CDH18: variants seen among roughly 807,000 people sequenced by gnomAD.
CDH18 encodes the protein cadherin 18.
Under a neutral mutation model 67.9 loss-of-function variants are expected in CDH18, and 31 were observed. The observed-to-expected ratio is 0.46, with a 90% CI of 0.34 to 0.62. CDH18 has a LOEUF of 0.62. Among genes scored for constraint, CDH18 ranks in the 20% least tolerant of loss-of-function variants. CDH18 has a pLI of 0.01. For missense variants in CDH18, 890 were observed against 975.5 expected (o/e 0.91, Z 1.17); for synonymous variants, 362 against 347.2 (o/e 1.04, Z -0.48).
At chr5:19,910,014 A>T (rs16888138) in intron 2 of CDH18, among the ~76,000 whole-genome samples, 2,594 of 152,236 alleles carry the variant, frequency 0.017, 67 homozygotes, top group African/African-American at 0.058. Context: ...GCCGTAATAA[A>T]CATCCTTTAT....
At chr5:20,091,838 C>T (rs1249944245) in intron 2 of CDH18, among the ~76,000 whole-genome samples, 2 of 151,776 alleles carry the variant, frequency 1.3e-5, no homozygotes, top group African/African-American at 2.4e-5. Context: ...TCAACTACCA[C>T]AAAACTTTGG....
At chr5:20,217,252 A>C (rs547101351) in intron 2 of CDH18, among the ~76,000 whole-genome samples, 1 of 152,060 alleles carries the variant, frequency 6.6e-6, no homozygotes, top group African/African-American at 2.4e-5. Context: ...ATAACACTGT[A>C]ATTGTGGTGT....
chr5:19,475,709 T>C (rs1335265141), intron 12 of CDH18, among the ~76,000 whole-genome samples: 1 of 152,078 alleles, frequency 6.6e-6, no homozygotes, highest in Non-Finnish European at 1.5e-5. Context: ...CATACATACC[T>C]ATATACAGAT....
chr5:19,537,369 C>A (rs1749583943), intron 9 of CDH18, among the ~76,000 whole-genome samples: 1 of 151,698 alleles, frequency 6.6e-6, no homozygotes. Context: ...CCTGTTCCCC[C>A]TCTCTCTTTC....
intron 2 of CDH18, among the ~76,000 whole-genome samples, chr5:20,078,209 C>T (rs10063226): frequency 1.3e-5 from 2 of 151,986 alleles, no homozygotes; most frequent in South Asian, 4.1e-4. Flanking sequence ...CGCCTGTAAT[C>T]CCAGCACTTT....
chr5:20,419,467 T>TTTTTTG (rs1747658715), intron 1 of CDH18, among the ~76,000 whole-genome samples: 1 of 47,174 alleles, frequency 2.1e-5, no homozygotes, highest in African/African-American at 2.6e-4. Context: ...ACTCTGTTTT[T>TTTTTTG]TTTTTTTTTT....
At chr5:19,833,422 T>A (rs1781276024) in intron 3 of CDH18, among the ~76,000 whole-genome samples, 1 of 152,124 alleles carries the variant, frequency 6.6e-6, no homozygotes, top group Non-Finnish European at 1.5e-5. Flanking sequence ...AATTTTGGGC[T>A]TAGATGATGG....
chr5:19,480,841 C>A (rs1304528665), intron 12 of CDH18, among the ~76,000 whole-genome samples: 1 of 152,096 alleles, frequency 6.6e-6, no homozygotes, highest in African/African-American at 2.4e-5. Flanking sequence ...GCCTCCAACT[C>A]CCAGGCTCAA....
chr5:19,512,288 G>A (rs1031376542), intron 10 of CDH18, among the ~76,000 whole-genome samples: 3 of 152,124 alleles, frequency 2.0e-5, no homozygotes, highest in African/African-American at 4.8e-5. Context: ...TTATTTAAAT[G>A]AATTTTTAAA....
At chr5:19,746,109 G>A (rs1281521839) in intron 4 of CDH18, among the ~76,000 whole-genome samples, 1 of 151,926 alleles carries the variant, frequency 6.6e-6, no homozygotes, top group South Asian at 2.1e-4. Flanking sequence ...AAGTATTATC[G>A]TAGAAGAACC....
chr5:19,522,048 G>T (rs547839820), intron 9 of CDH18, among the ~76,000 whole-genome samples: 2 of 152,170 alleles, frequency 1.3e-5, no homozygotes, highest in Admixed American at 1.3e-4. Context: ...TTCTTGATCA[G>T]TTTTGTCCCA....
intron 9 of CDH18, among the ~76,000 whole-genome samples, chr5:19,523,659 A>G (rs1747288914): frequency 6.6e-6 from 1 of 152,142 alleles, no homozygotes; most frequent in Non-Finnish European, 1.5e-5. Flanking sequence ...CAATACTAAG[A>G]AGTTTGGCAA....
At chr5:20,485,127 T>G (rs1238209302) in intron 1 of CDH18, among the ~76,000 whole-genome samples, 2 of 152,134 alleles carry the variant, frequency 1.3e-5, no homozygotes, top group Admixed American at 6.6e-5. Flanking sequence ...AAACTAGTGC[T>G]TTCACCCCTG....
chr5:20,377,788 T>A (rs1743582382), intron 1 of CDH18, among the ~76,000 whole-genome samples: 3 of 152,196 alleles, frequency 2.0e-5, no homozygotes, highest in Non-Finnish European at 1.5e-5. Context: ...TGAGTACAAT[T>A]ACTTTACAAA....
At chr5:20,568,141 C>T (rs554317226) in intron 1 of CDH18, among the ~76,000 whole-genome samples, 1 of 152,214 alleles carries the variant, frequency 6.6e-6, no homozygotes, top group South Asian at 2.1e-4. Flanking sequence ...ACGACAAACA[C>T]AGGCTGACAA....
At chr5:19,559,915 C>CAAAAAAAAA (rs754748614) in intron 8 of CDH18, among the ~76,000 whole-genome samples, 10 of 131,932 alleles carry the variant, frequency 7.6e-5, no homozygotes, top group South Asian at 2.4e-4. Context: ...ATAATAGTTG[C>CAAAAAAAAA]AAAAACAAAC....
At chr5:19,996,560 A>G (rs1203843392) in intron 2 of CDH18, among the ~76,000 whole-genome samples, 1 of 152,050 alleles carries the variant, frequency 6.6e-6, no homozygotes, top group Non-Finnish European at 1.5e-5. Flanking sequence ...AGTGAAGTGT[A>G]AAAGGTTAAA....
chr5:20,211,568 A>G (rs1740359120), intron 2 of CDH18, among the ~76,000 whole-genome samples: 1 of 152,146 alleles, frequency 6.6e-6, no homozygotes, highest in Admixed American at 6.6e-5. Context: ...TCAGGCAGCA[A>G]CATTTGCTGT....
chr5:20,321,557 A>C (rs1738024064), intron 1 of CDH18, among the ~76,000 whole-genome samples: 1 of 152,100 alleles, frequency 6.6e-6, no homozygotes, highest in Non-Finnish European at 1.5e-5. Context: ...TGTATAAAAA[A>C]AGTGCTATAC....
Sources: gnomAD v4.1 joint callset for allele counts (sites outside exome capture counted in the v4.1 genomes callset) on GRCh38, gnomAD v4.1.1 for gene constraint, MANE v1.5 for transcripts, NCBI Gene and HGNC (gene_info 2026-07-23, HGNC 2026-07-21) for gene names.